Variants in NXN observed in about 807,000 individuals in gnomAD.
NXN encodes nucleoredoxin 1.
In NXN, 16 loss-of-function variants were observed where a neutral mutation model predicts 48.6. The ratio of observed to expected loss-of-function variants is 0.33; its 90% CI spans 0.22 to 0.50. NXN has a LOEUF of 0.50. Ranked by LOEUF, NXN falls within the 20% of genes least tolerant of loss-of-function variation. The probability of loss-of-function intolerance (pLI) is 0.98; values close to 1 mark genes in which losing one functional copy is unlikely to be tolerated. For synonymous variants in NXN, 281 were observed against 269.6 expected (o/e 1.04, Z -0.41); for missense variants, 492 against 605.5 (o/e 0.81, Z 1.97).
chr17:843,793 C>G (rs528315912), intron 1 of NXN, among the ~76,000 whole-genome samples: 10 of 152,164 alleles, frequency 6.6e-5, no homozygotes, highest in Non-Finnish European at 1.2e-4. Flanking sequence ...ACGTTGGGAC[C>G]CTGACCTGCA....
At chr17:886,160 G>C (rs28449680) in intron 1 of NXN, among the ~76,000 whole-genome samples, 1,979 of 152,164 alleles carry the variant, frequency 0.013, 39 homozygotes, top group African/African-American at 0.045. Context: ...ACGGGTCCGG[G>C]TTTCTCCACG....
At chr17:810,957 C>T (rs1046262213) in intron 5 of NXN, among the ~76,000 whole-genome samples, 2 of 152,114 alleles carry the variant, frequency 1.3e-5, no homozygotes, top group African/African-American at 4.8e-5. Context: ...TCGAGGCAGC[C>T]CCTCTTCTGG....
chr17:820,012 G>A (rs985815155), intron 4 of NXN, among the ~76,000 whole-genome samples: 7 of 152,334 alleles, frequency 4.6e-5, no homozygotes, highest in Middle Eastern at 3.4e-3. Context: ...CGGCAGAAGC[G>A]GATCAGGGGA....
Position 917,596 on chromosome 17 carries a change from C to G in NXN, c.360+61723G>C, listed in dbSNP as rs1401126006. On this transcript the variant is annotated intron_variant, in intron 1 of 7. Transcript: ENST00000336868. The surrounding 1 kb of genome is among the most constrained non-coding windows in gnomAD (Gnocchi z 4.5). ...TCTTTGAACTTAGCACTGGTGTCTA[C>G]AGGCTCGATTCCCAGCTCTCCCACA... is the stretch of plus-strand genomic sequence containing the variant. 1.3e-5 allele frequency among the ~76,000 whole-genome samples: 2 copies of G among 152,236 alleles called. No individual in the cohort carries two copies. Among genetic ancestry groups the G allele is most frequent in the Non-Finnish European group, 2.9e-5 (2 of 68,040 alleles).
At chr17:885,578 A>T (rs2068335710) in intron 1 of NXN, among the ~76,000 whole-genome samples, 1 of 151,262 alleles carries the variant, frequency 6.6e-6, no homozygotes, top group Non-Finnish European at 1.5e-5. Context: ...TTAGCCAGGA[A>T]TCATCTCTGG....
At chr17:835,163 C>T (rs1913735279) in intron 1 of NXN, among the ~76,000 whole-genome samples, 1 of 151,524 alleles carries the variant, frequency 6.6e-6, no homozygotes, top group Admixed American at 6.6e-5. Flanking sequence ...AAAAAATTAG[C>T]CGGGTGTGGT....
intron 5 of NXN, among the ~76,000 whole-genome samples, chr17:810,234 G>T (rs62070006): frequency 1.7e-5 from 2 of 117,914 alleles, no homozygotes; most frequent in South Asian, 2.8e-4. Flanking sequence ...CGTGTGAGTG[G>T]CGTGCACGTT....
intron 1 of NXN, among the ~76,000 whole-genome samples, chr17:854,067 C>A (rs923640953): frequency 5.9e-5 from 9 of 152,176 alleles, no homozygotes; most frequent in Admixed American, 5.9e-4. Context: ...GTGTGTCCCC[C>A]CACTGGACTA....
At chr17:915,079 C>T (rs1313794377) in intron 1 of NXN, among the ~76,000 whole-genome samples, 1 of 150,626 alleles carries the variant, frequency 6.6e-6, no homozygotes. Flanking sequence ...GGAATACAGG[C>T]ACCCGCCACA....
chr17:801,830 G>A (rs534129629), intron 7 of NXN, among the ~76,000 whole-genome samples: 2 of 152,286 alleles, frequency 1.3e-5, no homozygotes, highest in South Asian at 4.1e-4. Flanking sequence ...AGGCCAATCT[G>A]GACTTCAACT....
At chr17:855,730 T>C (rs1324414505) in intron 1 of NXN, among the ~76,000 whole-genome samples, 1 of 152,118 alleles carries the variant, frequency 6.6e-6, no homozygotes, top group African/African-American at 2.4e-5. Context: ...GAAAAAATCA[T>C]AAAACAAGCC....
intron 1 of NXN, among the ~76,000 whole-genome samples, chr17:839,381 G>A (rs1914011423): frequency 6.6e-6 from 1 of 152,072 alleles, no homozygotes; most frequent in African/African-American, 2.4e-5. Context: ...GTTGCAGTGA[G>A]CCGAGGTCAC....
chr17:960,816 C>T (rs1316184697), intron 1 of NXN, among the ~76,000 whole-genome samples: 15 of 132,914 alleles, frequency 1.1e-4, no homozygotes, highest in East Asian at 2.3e-4. Context: ...GATGGTGTCT[C>T]GCTCTGCCAC....
chr17:946,540 T>C (rs1442016166), intron 1 of NXN, among the ~76,000 whole-genome samples: 1 of 152,206 alleles, frequency 6.6e-6, no homozygotes, highest in African/African-American at 2.4e-5. Flanking sequence ...GAGTCCGTAG[T>C]GGGTGTGCTC....
chr17:874,071 A>G (rs562372073), intron 1 of NXN, among the ~76,000 whole-genome samples: 1 of 152,282 alleles, frequency 6.6e-6, no homozygotes, highest in Admixed American at 6.5e-5. Flanking sequence ...TGGTCATTGA[A>G]TCATGGGAGC....
In NXN at chr17:800,053, T is replaced by C. The variant is rs9747754; in HGVS notation, c.*896A>G. On this transcript the variant is annotated 3_prime_UTR_variant, in exon 8 of 8. Transcript: ENST00000336868. ...ATCACTTGAACCTTGGGGGCGGAGG[T>C]TGAAGTGAGCCAAGATGGTGCCACT... 5.9e-5 allele frequency: 9 copies of C among 151,868 alleles called. No individual in the cohort carries two copies. Among genetic ancestry groups the C allele is most frequent in the African/African-American group, 1.5e-4 (6 of 41,198 alleles). 9.4% of individuals were successfully genotyped at this position (151,868 alleles called of 1,614,324 possible).
intron 1 of NXN, among the ~76,000 whole-genome samples, chr17:846,896 A>T (rs1280834348): frequency 6.6e-6 from 1 of 152,184 alleles, no homozygotes; most frequent in Non-Finnish European, 1.5e-5. Flanking sequence ...TGAATTAAAG[A>T]ATAAAAGATT....
At chr17:806,675 C>T (rs185277249) in intron 5 of NXN, among the ~76,000 whole-genome samples, 26 of 152,276 alleles carry the variant, frequency 1.7e-4, no homozygotes, top group Admixed American at 7.9e-4. Context: ...CCCAAGGATT[C>T]GGTCAGTAAT....
chr17:889,092 C>T (rs2457269), intron 1 of NXN, among the ~76,000 whole-genome samples: 1 of 152,224 alleles, frequency 6.6e-6, no homozygotes, highest in Non-Finnish European at 1.5e-5. Flanking sequence ...TGTGGTTAAC[C>T]GATGGATTGT....
Sources: gnomAD v4.1 joint callset for allele counts (sites outside exome capture counted in the v4.1 genomes callset) on GRCh38, gnomAD v4.1.1 for gene constraint, Gnocchi (gnomAD v3.1) non-coding constraint, MANE v1.5 for transcripts, NCBI Gene and HGNC (gene_info 2026-07-23, HGNC 2026-07-21) for gene names.